Variants in LARP1B observed in about 807,000 individuals in gnomAD.
LARP1B encodes La ribonucleoprotein 1B.
LARP1B carries 76 observed loss-of-function variants against 114.2 expected under a neutral mutation model. The observed-to-expected ratio is 0.67, with a 90% CI of 0.55 to 0.81. The LOEUF (loss-of-function observed/expected upper bound fraction) is 0.81, where lower values mean the gene tolerates loss of function less well. Ranked by LOEUF, LARP1B falls within the 30% of genes least tolerant of loss-of-function variation. LARP1B has a pLI of 0.00. For synonymous variants in LARP1B, 345 were observed against 348.0 expected, an observed-to-expected ratio of 0.99 and a Z score of 0.10; for missense variants, 1,014 against 1,075.8, an observed-to-expected ratio of 0.94 and a Z score of 0.80.
chr4:128,161,009 T>C (rs545139296), intron 11 of LARP1B, among the ~76,000 whole-genome samples: 42 of 152,362 alleles, frequency 2.8e-4, no homozygotes, highest in African/African-American at 1.0e-3. Flanking sequence ...TTCTTTCTTA[T>C]GTTTTTTACT....
chr4:128,094,494 G>A (rs567879195), intron 7 of LARP1B, among the ~76,000 whole-genome samples: 4 of 146,838 alleles, frequency 2.7e-5, no homozygotes, highest in East Asian at 4.1e-4. Context: ...TCTGCCTCCC[G>A]GGTTCAAGTT....
Position 128,068,408 on chromosome 4 carries a change from A to T in LARP1B, c.-77-6052A>T, listed in dbSNP as rs145797618. On this transcript the variant is annotated intron_variant, in intron 1 of 19. Coordinates refer to ENST00000326639, the MANE Select transcript of LARP1B (RefSeq NM_018078.4). ...CAATCATAGCTCACTGCAGCCTAGA[A>T]CTCCTGGGCCCAAGGGATCCTCCTG... is the stretch of plus-strand genomic sequence containing the variant. Among the ~76,000 whole-genome samples, 235 of 149,152 alleles carry T rather than the reference A, an allele frequency of 1.6e-3. 1 individual carries two copies. Among genetic ancestry groups the T allele is most frequent in the African/African-American group, 5.7e-3 (230 of 40,506 alleles).
chr4:128,112,725 C>T (rs1216639146), intron 9 of LARP1B, among the ~76,000 whole-genome samples: 3 of 152,008 alleles, frequency 2.0e-5, no homozygotes, highest in Non-Finnish European at 2.9e-5. Context: ...CCGCCCACCT[C>T]GGCCCCCCAA....
intron 18 of LARP1B, 60 bp from the exon 19 acceptor site, chr4:128,207,196 A>T: frequency 1.3e-6 from 1 of 743,466 alleles, no homozygotes; most frequent in Non-Finnish European, 1.9e-6. Context: ...GATTATATTT[A>T]ATGTGAATAA....
intron 11 of LARP1B, among the ~76,000 whole-genome samples, chr4:128,129,835 A>G (rs75979158): frequency 6.6e-6 from 1 of 152,126 alleles, no homozygotes; most frequent in African/African-American, 2.4e-5. Context: ...AAAAAAAAAA[A>G]TGAATCTTCA....
intron 8 of LARP1B, among the ~76,000 whole-genome samples, chr4:128,098,743 A>ATG (rs201554291): frequency 0.14 from 3,393 of 24,546 alleles, 716 homozygotes; most frequent in East Asian, 0.36. Flanking sequence ...CTGTATATGT[A>ATG]TGTGTATATA....
chr4:128,126,180 G>A (rs1789549895), intron 11 of LARP1B, among the ~76,000 whole-genome samples: 1 of 146,222 alleles, frequency 6.8e-6, no homozygotes, highest in Non-Finnish European at 1.5e-5. Context: ...GGAGTGCAGT[G>A]GCACCATCTC....
intron 12 of LARP1B, among the ~76,000 whole-genome samples, chr4:128,168,176 ACTGT>A (rs1007723269): frequency 6.6e-6 from 1 of 152,010 alleles, no homozygotes; most frequent in African/African-American, 2.4e-5. Flanking sequence ...TTTTTAAGAA[ACTGT>A]CTAACTTTTC....
At chr4:128,220,555 G>A (rs1266677253) in intron 7 of LARP1B, 1 of 156,362 alleles carries the variant, frequency 6.4e-6, no homozygotes, top group Admixed American at 6.5e-5. Flanking sequence ...AACTCGTTAC[G>A]TGGTTAGGCA....
rs1280105093 is a variant in LARP1B at position 128,065,273 on chromosome 4, C to CTT, written c.-78+3874_-78+3875dup. Among the ~76,000 whole-genome samples, 5 of 116,068 alleles carry CTT rather than the reference C, an allele frequency of 4.3e-5. No homozygotes were observed. In the East Asian group the frequency reaches 7.0e-4, roughly 16 times the overall value. 76.1% of individuals were successfully genotyped at this position (116,068 alleles called of 152,430 possible). A position where few individuals can be genotyped will look rare whatever the true frequency, so the allele number is the denominator to read the frequency against. ...AATTAATTTCTTTCTTTCTTTCTTT[C>CTT]TTTCTTTCTTTCTTTCTTTCTTTCT... On this transcript the variant is annotated intron_variant, in intron 1 of 19. Coordinates refer to ENST00000326639, the MANE Select transcript of LARP1B (RefSeq NM_018078.4).
At chr4:128,080,900 T>C (rs573735318) in intron 4 of LARP1B, among the ~76,000 whole-genome samples, 19 of 152,270 alleles carry the variant, frequency 1.2e-4, no homozygotes, top group Non-Finnish European at 2.8e-4. Context: ...ATTAATATTT[T>C]AGGCAGTGAT....
At position 128,123,508 on chromosome 4, in the gene LARP1B, T is replaced by C. The variant is rs1788648610; in HGVS notation, c.1524+1320T>C. ...GCTTTGTTTTTCACCATAGCATATA[T>C]CATTATCTATAATTCTATATATTTT... On this transcript the variant is annotated intron_variant, in intron 11 of 19. Transcript: ENST00000326639. 1.0e-5 allele frequency: 5 copies of C among 491,330 alleles called. No homozygotes were observed. The Admixed American group carries it at 2.6e-4, about 25-fold the overall frequency. The allele number at this position is 491,330 out of a possible 1,614,324, so 30.4% of individuals were successfully genotyped here. A position where few individuals can be genotyped will look rare whatever the true frequency, so the allele number is the denominator to read the frequency against.
At position 128,210,209 on chromosome 4, in the gene LARP1B, AAG is replaced by A. The variant is rs1304363765; in HGVS notation, c.*158_*159del. Reference sequence around the variant, plus strand: ...AATTGTGATAATAAGAAAGAAGAAAAAGAAAGAAAAGTGGTAGCATTTTTTCT... The same window carrying A: ...AATTGTGATAATAAGAAAGAAGAAAAAAAGAAAAGTGGTAGCATTTTTTCT... On this transcript the variant is annotated 3_prime_UTR_variant, in exon 20 of 20. Transcript: ENST00000326639. 7.0e-7 allele frequency: 1 copy of A among 1,433,976 alleles called. No individual in the cohort carries two copies. The highest frequency in any genetic ancestry group is 9.1e-7 in the Non-Finnish European group (1 of 1,097,834). The allele number at this position is 1,433,976 out of a possible 1,614,324, so 88.8% of individuals were successfully genotyped here. A position where few individuals can be genotyped will look rare whatever the true frequency, so the allele number is the denominator to read the frequency against.
chr4:128,069,803 G>C (rs1326054556), intron 1 of LARP1B, among the ~76,000 whole-genome samples: 1 of 151,588 alleles, frequency 6.6e-6, no homozygotes, highest in Admixed American at 6.6e-5. Context: ...ATTTTTTTCT[G>C]TCTTTTTTAT....
At chr4:128,137,751 A>G (rs1228062716) in intron 11 of LARP1B, among the ~76,000 whole-genome samples, 1 of 149,854 alleles carries the variant, frequency 6.7e-6, no homozygotes, top group Non-Finnish European at 1.5e-5. Context: ...TTATATATAT[A>G]CAGAAACGTG....
chr4:128,184,199 G>A (rs554500774), intron 15 of LARP1B, among the ~76,000 whole-genome samples: 4 of 152,122 alleles, frequency 2.6e-5, no homozygotes, highest in Non-Finnish European at 5.9e-5. Context: ...AATGCTATCA[G>A]GACAGCATCC....
chr4:128,123,343 G>A lies in LARP1B; in HGVS notation c.1524+1155G>A, dbSNP rs144464826. ...TTCTCAGTTGAAAGTCTTTCCTAGT[G>A]TAAGCATTGCTATTTTATTTGTAAT... On this transcript the variant is annotated intron_variant, in intron 11 of 19. Coordinates refer to ENST00000326639, the MANE Select transcript of LARP1B (RefSeq NM_018078.4). 8.1e-3 allele frequency: 8,023 copies of A among 985,166 alleles called. 43 individuals are homozygous for A. The highest frequency in any genetic ancestry group is 0.011 in the Admixed American group (171 of 16,274). 61.0% of individuals were successfully genotyped at this position (985,166 alleles called of 1,614,324 possible). A position where few individuals can be genotyped will look rare whatever the true frequency, so the allele number is the denominator to read the frequency against.
intron 11 of LARP1B, among the ~76,000 whole-genome samples, chr4:128,150,286 T>G (rs1278180465): frequency 1.4e-5 from 2 of 138,394 alleles, no homozygotes; most frequent in African/African-American, 5.8e-5. Context: ...TAGCTTTAAT[T>G]TTTTTCTTTT....
chr4:128,198,230 T>G (rs1754905042), intron 15 of LARP1B, among the ~76,000 whole-genome samples: 1 of 152,184 alleles, frequency 6.6e-6, no homozygotes, highest in Non-Finnish European at 1.5e-5. Context: ...TGTTTTCTTC[T>G]CATTTTTAAA....
Sources: gnomAD v4.1 joint callset for allele counts (sites outside exome capture counted in the v4.1 genomes callset) on GRCh38, gnomAD v4.1.1 for gene constraint, MANE v1.5 for transcripts, NCBI Gene and HGNC (gene_info 2026-07-23, HGNC 2026-07-21) for gene names.